FHIP1A: variants seen among roughly 807,000 people sequenced by gnomAD.
FHIP1A encodes the protein FHF complex subunit HOOK interacting protein 1A.
In FHIP1A, 61 loss-of-function variants were observed where a neutral mutation model predicts 88.6. The ratio of observed to expected loss-of-function variants is 0.69; its 90% CI spans 0.56 to 0.85. FHIP1A has a LOEUF of 0.85. Ranked by LOEUF, FHIP1A falls within the 40% of genes least tolerant of loss-of-function variation. FHIP1A has a pLI of 0.00. For synonymous variants in FHIP1A, 478 were observed against 496.0 expected (o/e 0.96, Z 0.48); for missense variants, 1,154 against 1,273.5 (o/e 0.91, Z 1.43).
intron 3 of FHIP1A, among the ~76,000 whole-genome samples, chr4:151,492,925 T>C (rs941331460): frequency 1.3e-5 from 2 of 152,088 alleles, no homozygotes; most frequent in Non-Finnish European, 2.9e-5. Context: ...TTCAAGGACC[T>C]GGAGAAACAA....
chr4:151,613,158 C>T (rs1242744592), intron 7 of FHIP1A, among the ~76,000 whole-genome samples: 1 of 152,202 alleles, frequency 6.6e-6, no homozygotes, highest in Non-Finnish European at 1.5e-5. Flanking sequence ...TAATTTAAAA[C>T]ACTGGCTCTT....
At chr4:151,412,269 A>C (rs1714716548) in intron 1 of FHIP1A, among the ~76,000 whole-genome samples, 2 of 151,660 alleles carry the variant, frequency 1.3e-5, no homozygotes, top group African/African-American at 4.8e-5. Flanking sequence ...TGCTCAGCTA[A>C]TTTTTTTTGT....
At chr4:151,614,070 C>T (rs372212735) in intron 7 of FHIP1A, among the ~76,000 whole-genome samples, 3 of 150,032 alleles carry the variant, frequency 2.0e-5, no homozygotes, top group Admixed American at 1.3e-4. Flanking sequence ...GGATGAGGCA[C>T]GAGAATCACT....
At chr4:151,628,282 A>G (rs575349449) in intron 7 of FHIP1A, among the ~76,000 whole-genome samples, 115 of 152,336 alleles carry the variant, frequency 7.5e-4, no homozygotes, top group African/African-American at 2.5e-3. Flanking sequence ...TTGCTTAGAT[A>G]AAGAAAACAG....
At chr4:151,644,008 G>T (rs1393912855) in intron 9 of FHIP1A, among the ~76,000 whole-genome samples, 1 of 152,138 alleles carries the variant, frequency 6.6e-6, no homozygotes, top group Non-Finnish European at 1.5e-5. Context: ...TTCAAACAAA[G>T]AATAAAAATC....
At chr4:151,635,552 A>C (rs1736320581) in intron 8 of FHIP1A, among the ~76,000 whole-genome samples, 1 of 151,940 alleles carries the variant, frequency 6.6e-6, no homozygotes, top group South Asian at 2.1e-4. Context: ...TCAACCTTAA[A>C]AAAAAGAAGG....
chr4:151,616,872 C>G (rs1164164023), intron 7 of FHIP1A, among the ~76,000 whole-genome samples: 1 of 152,090 alleles, frequency 6.6e-6, no homozygotes, highest in Non-Finnish European at 1.5e-5. Context: ...TTCAGCCTCC[C>G]TAGTAGCTGG....
intron 2 of FHIP1A, among the ~76,000 whole-genome samples, chr4:151,475,830 GA>G (rs1244182073): frequency 1.3e-5 from 2 of 151,076 alleles, no homozygotes; most frequent in Non-Finnish European, 3.0e-5. Flanking sequence ...TTTTTTTATA[GA>G]AAAGGCATTT....
At chr4:151,561,318 G>A (rs567924141) in intron 3 of FHIP1A, among the ~76,000 whole-genome samples, 24 of 152,248 alleles carry the variant, frequency 1.6e-4, no homozygotes, top group Admixed American at 1.4e-3. Flanking sequence ...ATTGAGGGAG[G>A]CTTAAGCACA....
At chr4:151,565,940 A>G (rs1733368854) in intron 3 of FHIP1A, among the ~76,000 whole-genome samples, 198 bp from the exon 4 acceptor site, 1 of 151,956 alleles carries the variant, frequency 6.6e-6, no homozygotes, top group South Asian at 2.1e-4. Context: ...TATCTTAGCT[A>G]GCATTATTAT....
At chr4:151,627,667 G>A (rs1388061252) in intron 7 of FHIP1A, among the ~76,000 whole-genome samples, 1 of 152,320 alleles carries the variant, frequency 6.6e-6, no homozygotes, top group East Asian at 1.9e-4. Context: ...GTGGATGTGA[G>A]CTAATGTAGG....
chr4:151,552,398 T>A (rs1009300945), intron 3 of FHIP1A, among the ~76,000 whole-genome samples: 6 of 152,212 alleles, frequency 3.9e-5, no homozygotes, highest in Non-Finnish European at 2.9e-5. Context: ...GTGGCACTAT[T>A]CACAATAGCA....
intron 1 of FHIP1A, among the ~76,000 whole-genome samples, chr4:151,444,431 T>C (rs989188687): frequency 2.6e-5 from 4 of 152,148 alleles, no homozygotes; most frequent in African/African-American, 9.7e-5. Flanking sequence ...TGAGCATTGA[T>C]ACCTACTATA....
At chr4:151,476,631 G>A (rs1729718283) in intron 2 of FHIP1A, among the ~76,000 whole-genome samples, 1 of 152,122 alleles carries the variant, frequency 6.6e-6, no homozygotes, top group Non-Finnish European at 1.5e-5. Flanking sequence ...ATGGTATTTG[G>A]AATCATAAAC....
chr4:151,569,162 G>A (rs1187750310), intron 4 of FHIP1A, among the ~76,000 whole-genome samples: 1 of 152,150 alleles, frequency 6.6e-6, no homozygotes, highest in Non-Finnish European at 1.5e-5. Flanking sequence ...AACCTGTAAG[G>A]CTGGTAGGGA....
chr4:151,512,654 T>C (rs1731082715), intron 3 of FHIP1A, among the ~76,000 whole-genome samples: 1 of 152,094 alleles, frequency 6.6e-6, no homozygotes, highest in Non-Finnish European at 1.5e-5. Context: ...ACGTGAAGAA[T>C]GCAGAAGCCT....
intron 3 of FHIP1A, among the ~76,000 whole-genome samples, chr4:151,563,329 G>A (rs545387090): frequency 6.6e-6 from 1 of 151,654 alleles, no homozygotes; most frequent in South Asian, 2.1e-4. Flanking sequence ...TTGTGTTGGT[G>A]GTTTTTTTGA....
At chr4:151,498,434 C>T (rs561628667) in intron 3 of FHIP1A, among the ~76,000 whole-genome samples, 10 of 152,158 alleles carry the variant, frequency 6.6e-5, no homozygotes, top group South Asian at 4.2e-4. Flanking sequence ...GATATTTTAC[C>T]CCAACATCTC....
intron 3 of FHIP1A, among the ~76,000 whole-genome samples, chr4:151,548,231 G>T (rs1732583961): frequency 1.3e-5 from 2 of 152,136 alleles, no homozygotes; most frequent in South Asian, 2.1e-4. Flanking sequence ...CCCTGGTCTA[G>T]TGTTGTTGGT....
Sources: gnomAD v4.1 joint callset for allele counts (sites outside exome capture counted in the v4.1 genomes callset) on GRCh38, gnomAD v4.1.1 for gene constraint, MANE v1.5 for transcripts, NCBI Gene and HGNC (gene_info 2026-07-23, HGNC 2026-07-21) for gene names.